Variants in JAML observed in about 807,000 individuals in gnomAD.
JAML encodes junction adhesion molecule like.
In JAML, 25 loss-of-function variants were observed where a neutral mutation model predicts 39.3. That is an observed-to-expected ratio of 0.64 (90% CI 0.46 to 0.89). The LOEUF is 0.89. Ranked by LOEUF, JAML falls within the 40% of genes least tolerant of loss-of-function variation. JAML has a pLI of 0.00. For missense variants in JAML, 440 were observed against 486.9 expected (o/e 0.90, Z 0.91); for synonymous variants, 162 against 179.2 (o/e 0.90, Z 0.77).
At chr11:118,218,026 G>A (rs1362775789) in intron 1 of JAML, among the ~76,000 whole-genome samples, 1 of 152,200 alleles carries the variant, frequency 6.6e-6, no homozygotes, top group Admixed American at 6.5e-5. Context: ...CACATCTCAA[G>A]TTAAATATCA....
rs545407046 is a variant in JAML at position 118,205,891 on chromosome 11, C to A, written c.525G>T (p.Arg175=). ...GTTTCCTCCTTGTTACCTTTGCGCG[C>A]CGTCCTGAAAATATCCATTCTACCT... The part of the protein sequence containing the change: ...VTKVEWIFSG[R]RAKEEIVFRY... Residue 175 remains arginine (R), a synonymous_variant, in exon 5 of 10, where the codon CGG becomes CGT. Transcript: ENST00000356289. 6 of 1,613,778 alleles carry A rather than the reference C, an allele frequency of 3.7e-6. No homozygotes were observed. Among genetic ancestry groups the A allele is most frequent in the Admixed American group, 1.7e-5 (1 of 59,990 alleles).
At chr11:118,197,866 C>T in intron 8 of JAML, 132 bp downstream of exon 8, 1 of 809,806 alleles carries the variant, frequency 1.2e-6, no homozygotes. Context: ...CAAAGGCTTC[C>T]TGAGTCCCTG....
In JAML at chr11:118,203,456, C is replaced by T. The variant is rs1393391116; in HGVS notation, c.744G>A (p.Val248=). 6.2e-7 allele frequency: 1 copy of T among 1,614,042 alleles called. No homozygotes were observed. The highest frequency in any genetic ancestry group is 8.5e-7 in the Non-Finnish European group (1 of 1,180,028). ...LGNLVFKKTI[V]LHVSPEEPRT... Reference sequence around the variant, plus strand: ...GAGGCTCTTCCGGGCTGACATGCAGCACAATGGTTTTCTTGAACACCAGGT... The same window carrying T: ...GAGGCTCTTCCGGGCTGACATGCAGTACAATGGTTTTCTTGAACACCAGGT... The change falls in exon 6 of 10, where the codon GTG becomes GTA. Residue 248 remains valine, a synonymous_variant. Coordinates refer to ENST00000356289, the MANE Select transcript of JAML (RefSeq NM_001098526.2).
intron 1 of JAML, among the ~76,000 whole-genome samples, chr11:118,215,988 G>A (rs2134674716): frequency 6.6e-6 from 1 of 152,238 alleles, no homozygotes; most frequent in South Asian, 2.1e-4. Flanking sequence ...CTGCTAAGAG[G>A]AAAGATATGT....
At chr11:118,212,380 T>C (rs773713053) in intron 3 of JAML, 27 bp downstream of exon 3, 45 of 1,611,106 alleles carry the variant, frequency 2.8e-5, no homozygotes, top group Non-Finnish European at 3.7e-5. Flanking sequence ...GGGCTTCTAT[T>C]ACATAGTGAT....
rs1370948396 is a variant in JAML, at chr11:118,194,260, T to C, written c.*65A>G. On this transcript the variant is annotated 3_prime_UTR_variant, in exon 10 of 10. Transcript: ENST00000356289. ...CGGGAGTCTGAAATCACTGGTAGAG[T>C]GGCCCAGGACACACACAGGAGAGAG... 3 of 1,393,162 alleles carry C rather than the reference T, an allele frequency of 2.2e-6. No homozygotes were observed. The highest frequency in any genetic ancestry group is 3.1e-6 in the Non-Finnish European group (3 of 980,180). 86.3% of individuals were successfully genotyped at this position (1,393,162 alleles called of 1,614,324 possible). A position where few individuals can be genotyped will look rare whatever the true frequency, so the allele number is the denominator to read the frequency against.
At position 118,210,675 on chromosome 11, in the gene JAML, A is replaced by C. The variant is rs942860166; in HGVS notation, c.236T>G (p.Val79Gly). 6.2e-7 allele frequency: 1 copy of C among 1,614,206 alleles called. No individual in the cohort carries two copies. The highest frequency in any genetic ancestry group is 8.5e-7 in the Non-Finnish European group (1 of 1,180,012). Residue 79 changes from valine (V) to glycine (G), a missense_variant, in exon 4 of 10, where the codon GTG (valine) becomes GGG (glycine). Physicochemically the swap from Val to Gly is moderately radical, Grantham distance 109. Coordinates refer to ENST00000356289, the MANE Select transcript of JAML (RefSeq NM_001098526.2). ...GCGGTTCTGGAAGCGCCCAATAGGC[A>C]CACTGAGATTGGAGTAATAGTATAG... ...YVLYYYSNLS[V>G]PIGRFQNRVH...
At chr11:118,196,255 G>A (rs1005763752) in intron 9 of JAML, among the ~76,000 whole-genome samples, 3 of 151,528 alleles carry the variant, frequency 2.0e-5, no homozygotes, top group Admixed American at 1.3e-4. Flanking sequence ...AGCCTCCCAA[G>A]TAGCTGGGAT....
intron 6 of JAML, chr11:118,202,797 C>T (rs1948835572): frequency 2.7e-6 from 1 of 376,912 alleles, no homozygotes; most frequent in African/African-American, 2.1e-5. Context: ...TAGCGACAGG[C>T]AAAGTCCACA....
chr11:118,207,348 A>C (rs1948939051), intron 4 of JAML, among the ~76,000 whole-genome samples: 1 of 152,188 alleles, frequency 6.6e-6, no homozygotes, highest in South Asian at 2.1e-4. Flanking sequence ...TTTTACAGAG[A>C]AGGAAAGTAA....
chr11:118,197,926 A>G, intron 8 of JAML, 72 bp downstream of exon 8: 1 of 1,375,702 alleles, frequency 7.3e-7, no homozygotes, highest in Non-Finnish European at 1.0e-6. Context: ...TGGGTAAGAT[A>G]TGGTTCCCGG....
At chr11:118,206,260 G>T (rs570415208) in intron 4 of JAML, among the ~76,000 whole-genome samples, 15 of 152,222 alleles carry the variant, frequency 9.9e-5, no homozygotes, top group Admixed American at 7.9e-4. Context: ...CATGTACCAA[G>T]CCTGAGGGTT....
chr11:118,193,855 T>G lies in JAML; in HGVS notation c.*470A>C. On this transcript the variant is annotated 3_prime_UTR_variant, in exon 10 of 10. Coordinates refer to ENST00000356289, the MANE Select transcript of JAML (RefSeq NM_001098526.2). ...CCAGGAACTTCAGTTTTTCCAAAAG[T>G]TTCTAACTGTAAATTCCTCACCAGG... 6.0e-6 allele frequency: 1 copy of G among 168,008 alleles called. No homozygotes were observed. The highest frequency in any genetic ancestry group is 1.3e-5 in the Non-Finnish European group (1 of 76,142). 10.4% of individuals were successfully genotyped at this position (168,008 alleles called of 1,614,324 possible).
chr11:118,214,098 G>A (rs1456271038), intron 2 of JAML, among the ~76,000 whole-genome samples: 1 of 152,120 alleles, frequency 6.6e-6, no homozygotes, highest in Non-Finnish European at 1.5e-5. Flanking sequence ...GGCTATGAGA[G>A]CAAAGCACCT....
chr11:118,214,265 G>A (rs11216819), intron 2 of JAML, among the ~76,000 whole-genome samples: 66,521 of 151,878 alleles, frequency 0.44, 16,491 homozygotes, highest in South Asian at 0.72. Flanking sequence ...TGAGGAGATG[G>A]CCAGGTCAGG....
In JAML at chr11:118,210,729, T is replaced by G. The variant is rs760640093; in HGVS notation, c.199-17A>C. On this transcript the variant is annotated splice_polypyrimidine_tract_variant and intron_variant, in intron 3 of 9. Coordinates refer to ENST00000356289, the MANE Select transcript of JAML (RefSeq NM_001098526.2). ...ATATTCGTCCTGAAGGGCAAAACAG[T>G]GTTGGAGACAATCAAAAGAGGTGCC... 1 of 1,604,696 alleles carries G rather than the reference T, an allele frequency of 6.2e-7. No homozygotes were observed. Among genetic ancestry groups the G allele is most frequent in the Non-Finnish European group, 8.5e-7 (1 of 1,171,580 alleles).
chr11:118,194,387 G>A lies in JAML; in HGVS notation c.1123C>T (p.Arg375Trp), dbSNP rs755514701. The change falls in exon 10 of 10, where the codon CGG (arginine) becomes TGG (tryptophan). Residue 375 changes from arginine (R) to tryptophan (W), a missense_variant. Transcript: ENST00000356289. Reference protein sequence around the residue: ...HPVWPSLRSDRNNSLEKKSGG... With the variant: ...HPVWPSLRSDWNNSLEKKSGG... ...GACTTTTTTTCAAGTGAGTTGTTCCGATCTGACCTCAGAGAAGGCCAAACT... is the reference window on the plus strand; with the variant it reads ...GACTTTTTTTCAAGTGAGTTGTTCCAATCTGACCTCAGAGAAGGCCAAACT... 2.8e-5 allele frequency: 45 copies of A among 1,613,946 alleles called. No homozygotes were observed. The highest frequency in any genetic ancestry group is 4.5e-5 in the East Asian group (2 of 44,890).
At position 118,201,493 on chromosome 11, in the gene JAML, G is replaced by A. The variant is rs181427195; in HGVS notation, c.773-881C>T. 2.1e-3 allele frequency: 320 copies of A among 152,332 alleles called. 3 individuals are homozygous for A. The highest frequency in any genetic ancestry group is 1.5e-3 in the Non-Finnish European group (99 of 68,038). The allele number at this position is 152,332 out of a possible 1,614,324, so 9.4% of individuals were successfully genotyped here. ...GTGGGTGTGCTGGAGAATTTCGCTGGAGAGATGACAGGGTCCAAGTCAGGA... is the reference window on the plus strand; with the variant it reads ...GTGGGTGTGCTGGAGAATTTCGCTGAAGAGATGACAGGGTCCAAGTCAGGA... On this transcript the variant is annotated intron_variant, in intron 6 of 9. Transcript: ENST00000356289.
At position 118,200,687 on chromosome 11, in the gene JAML, A is replaced by G. The variant is rs577779740; in HGVS notation, c.773-75T>C. 8 of 1,557,962 alleles carry G rather than the reference A, an allele frequency of 5.1e-6. No homozygotes were observed. The Middle Eastern group carries it at 7.4e-4, about 145-fold the overall frequency. On this transcript the variant is annotated intron_variant, in intron 6 of 9. Coordinates refer to ENST00000356289, the MANE Select transcript of JAML (RefSeq NM_001098526.2). ...GCTGAGAGCCCCACAGCCCTATACC[A>G]AGTAGCACCAGCCAGGCCACGAAGC...
Sources: allele counts gnomAD v4.1 joint callset (sites outside exome capture counted in the v4.1 genomes callset), GRCh38; gene constraint gnomAD v4.1.1; transcripts MANE v1.5; gene names NCBI Gene and HGNC (gene_info 2026-07-23, HGNC 2026-07-21).